DIDO1: variants seen among roughly 807,000 people sequenced by gnomAD.
The protein encoded by DIDO1 is death inducer-obliterator 1.
Under a neutral mutation model 99.4 loss-of-function variants are expected in DIDO1, and 16 were observed. That is an observed-to-expected ratio of 0.16 (90% CI 0.11 to 0.24). The LOEUF (loss-of-function observed/expected upper bound fraction) is 0.24, where lower values mean the gene tolerates loss of function less well. Among genes scored for constraint, DIDO1 ranks in the 10% least tolerant of loss-of-function variants. The pLI, the probability that DIDO1 is intolerant of heterozygous loss-of-function variation, is 1.00. For synonymous variants in DIDO1, 1,366 were observed against 1,239.1 expected (o/e 1.10, Z -2.15); for missense variants, 2,996 against 3,014.0 (o/e 0.99, Z 0.14).
chr20:62,899,305 C>G (rs1178990705), intron 6 of DIDO1, among the ~76,000 whole-genome samples: 1 of 152,188 alleles, frequency 6.6e-6, no homozygotes, highest in Non-Finnish European at 1.5e-5. Context: ...GGCAAAATGC[C>G]TTGGCTGTGA....
At chr20:62,910,488 C>T (rs959919068) in intron 3 of DIDO1, among the ~76,000 whole-genome samples, 3 of 152,084 alleles carry the variant, frequency 2.0e-5, no homozygotes, top group South Asian at 2.1e-4. Flanking sequence ...TCCTCCATGC[C>T]GTCTACACAG....
At chr20:62,922,038 T>C (rs551301222) in intron 1 of DIDO1, among the ~76,000 whole-genome samples, 13 of 146,432 alleles carry the variant, frequency 8.9e-5, no homozygotes, top group African/African-American at 3.2e-4. Flanking sequence ...CCACACGATA[T>C]ATATACACAC....
At chr20:62,882,646 C>G (rs1425061948) in intron 15 of DIDO1, among the ~76,000 whole-genome samples, 1 of 152,060 alleles carries the variant, frequency 6.6e-6, no homozygotes, top group Non-Finnish European at 1.5e-5. Context: ...AATGCACCAA[C>G]CCAGTCCTCC....
chr20:62,889,532 G>C (rs1342275033), intron 15 of DIDO1: 2 of 985,364 alleles, frequency 2.0e-6, no homozygotes, highest in African/African-American at 3.5e-5. Flanking sequence ...GGGAGGTGCT[G>C]AGGTGCTGCA....
At chr20:62,907,098 C>T (rs1284659908) in intron 5 of DIDO1, 49 bp downstream of exon 5, 3 of 1,596,670 alleles carry the variant, frequency 1.9e-6, no homozygotes, top group Non-Finnish European at 2.6e-6. Context: ...GACAAACGCT[C>T]TCACGCCTGT....
intron 13 of DIDO1, among the ~76,000 whole-genome samples, 166 bp downstream of exon 13, chr20:62,892,643 T>C (rs1337951637): frequency 6.6e-6 from 1 of 152,206 alleles, no homozygotes; most frequent in African/African-American, 2.4e-5. Flanking sequence ...CATCGCCACT[T>C]TGCATTTAGA....
rs753916267 is a variant in DIDO1, at chr20:62,879,558, C to G, written c.6398G>C (p.Arg2133Pro). The G allele has an allele frequency of 6.2e-7, 1 of 1,601,402 alleles. No homozygotes were observed. The change falls in exon 16 of 16, where the codon CGG (arginine) becomes CCG (proline). Residue 2133 changes from arginine to proline, a missense_variant. Coordinates refer to ENST00000395343, the MANE Select transcript of DIDO1 (RefSeq NM_001193369.2). The surrounding 1 kb of genome is among the most constrained non-coding windows in gnomAD (Gnocchi z 6.3). Reference protein sequence around the residue: ...WSRERDWDRPREWDRHRDKDS... With the variant: ...WSRERDWDRPPEWDRHRDKDS... Reference sequence around the variant, plus strand: ...CTTGTCCCGGTGTCGGTCCCACTCCCGGGGCCGGTCCCAGTCCCGCTCTCG... The same window carrying G: ...CTTGTCCCGGTGTCGGTCCCACTCCGGGGGCCGGTCCCAGTCCCGCTCTCG...
chr20:62,937,299 C>T (rs748498096), intron 1 of DIDO1, among the ~76,000 whole-genome samples: 7 of 152,264 alleles, frequency 4.6e-5, no homozygotes, highest in Non-Finnish European at 1.0e-4. Context: ...CGCATTCCTC[C>T]TGAGCGGACA....
At chr20:62,920,285 A>G (rs1055165661) in intron 1 of DIDO1, among the ~76,000 whole-genome samples, 11 of 152,050 alleles carry the variant, frequency 7.2e-5, no homozygotes, top group African/African-American at 2.7e-4. Flanking sequence ...ACAGGTTTAA[A>G]TCACTGTTCC....
In DIDO1 at chr20:62,880,685, T is replaced by C. The variant is rs140253573; in HGVS notation, c.5271A>G (p.Gly1757=). 457 of 1,612,726 alleles carry C rather than the reference T, an allele frequency of 2.8e-4. 1 individual carries two copies. In the African/African-American group the frequency reaches 5.5e-3, roughly 19 times the overall value. ...QPPFQGQREP[G]PHALGMSGLH... ...GCCCTGACATCCCCAAAGCATGAGGTCCAGGTTCCCGCTGACCCTGAAACG... is the reference window on the plus strand; with the variant it reads ...GCCCTGACATCCCCAAAGCATGAGGCCCAGGTTCCCGCTGACCCTGAAACG... The change falls in exon 16 of 16, where the codon GGA becomes GGG. Residue 1757 remains glycine (G), a synonymous_variant. Transcript: ENST00000395343.
intron 1 of DIDO1, among the ~76,000 whole-genome samples, chr20:62,916,272 T>C (rs1396324588): frequency 6.6e-6 from 1 of 152,140 alleles, no homozygotes; most frequent in Admixed American, 6.5e-5. Context: ...AAACTACAGG[T>C]TAAAACAGAA....
In DIDO1 at chr20:62,879,966, G is replaced by T. The variant is rs780339639; in HGVS notation, c.5990C>A (p.Pro1997His). 49 of 1,605,094 alleles carry T rather than the reference G, an allele frequency of 3.1e-5. No homozygotes were observed. The highest frequency in any genetic ancestry group is 1.6e-4 in the Admixed American group (9 of 57,508). The change falls in exon 16 of 16, where the codon CCC (proline) becomes CAC (histidine). Residue 1997 changes from proline to histidine, a missense_variant. This residue lies in a region of DIDO1 where 1,562 missense variants were observed against 1,412.6 expected (regional missense o/e 1.11). Coordinates refer to ENST00000395343, the MANE Select transcript of DIDO1 (RefSeq NM_001193369.2). This position sits in a 1 kb window ranked among gnomAD's most constrained non-coding sequence, Gnocchi z 6.3. Reference protein sequence around the residue: ...LQFGGLRGSAPFSEKNEQTPS... With the variant: ...LQFGGLRGSAHFSEKNEQTPS... The stretch of plus-strand genomic sequence containing the variant: ...GGTCTGCTCATTTTTTTCAGAAAAG[G>T]GTGCGGACCCCCGTAGTCCACCAAA...
chr20:62,882,657 C>T (rs6011443), intron 15 of DIDO1, among the ~76,000 whole-genome samples: 14 of 152,156 alleles, frequency 9.2e-5, no homozygotes, highest in African/African-American at 2.9e-4. Flanking sequence ...CCAGTCCTCC[C>T]GGAGCCATGT....
Position 62,878,186 on chromosome 20 carries a change from G to A in DIDO1, c.*1047C>T, listed in dbSNP as rs374020864. 6.6e-6 allele frequency: 1 copy of A among 152,180 alleles called. No individual in the cohort carries two copies. The highest frequency in any genetic ancestry group is 2.4e-5 in the African/African-American group (1 of 41,448). 9.4% of individuals were successfully genotyped at this position (152,180 alleles called of 1,614,324 possible). On this transcript the variant is annotated 3_prime_UTR_variant, in exon 16 of 16. Transcript: ENST00000395343. ...TATGAAAATATAAAAAATTATCAAA[G>A]TGTATTTGTACAAATAAATTAGCCA... is the stretch of plus-strand genomic sequence containing the variant.
chr20:62,915,535 C>T (rs1039361484), intron 1 of DIDO1, among the ~76,000 whole-genome samples: 1 of 152,216 alleles, frequency 6.6e-6, no homozygotes, highest in Non-Finnish European at 1.5e-5. Flanking sequence ...GTTGCCCAGG[C>T]TGGAGTGCAG....
At chr20:62,889,390 C>A in intron 15 of DIDO1, 1 of 985,414 alleles carries the variant, frequency 1.0e-6, no homozygotes, top group Non-Finnish European at 1.2e-6. Flanking sequence ...CCTGACAGCT[C>A]CAAGTTTGGA....
At chr20:62,937,058 T>C (rs2065395669) in intron 1 of DIDO1, among the ~76,000 whole-genome samples, 1 of 152,262 alleles carries the variant, frequency 6.6e-6, no homozygotes, top group African/African-American at 2.4e-5. Flanking sequence ...CGAACTGGAC[T>C]TACTGTCGCT....
chr20:62,880,091 A>G lies in DIDO1; in HGVS notation c.5865T>C (p.Phe1955=), dbSNP rs527534687. ...FEGPRGQAPN[F]MPGPRGIQPQ... ...GCTGAATGCCCCTGGGACCTGGCAT[A>G]AAGTTAGGCGCTTGGCCTCTGGGTC... The change falls in exon 16 of 16, where the codon TTT becomes TTC. Residue 1955 remains phenylalanine, a synonymous_variant. Coordinates refer to ENST00000395343, the MANE Select transcript of DIDO1 (RefSeq NM_001193369.2). The G allele has an allele frequency of 2.5e-6, 4 of 1,612,336 alleles. No homozygotes were observed. Among genetic ancestry groups the G allele is most frequent in the Non-Finnish European group, 3.4e-6 (4 of 1,179,988 alleles).
At chr20:62,937,886 G>A (rs1313259764) in exon 1 of DIDO1, 5 of 398,324 alleles carry the variant, frequency 1.3e-5, no homozygotes, top group Non-Finnish European at 2.2e-5. Flanking sequence ...CCAGAGGGCC[G>A]ACGCCTTTTG....
Sources: gnomAD v4.1 joint callset for allele counts (sites outside exome capture counted in the v4.1 genomes callset) on GRCh38, gnomAD v4.1.1 for gene constraint, gnomAD v4.1.1 regional missense constraint, Gnocchi (gnomAD v3.1) non-coding constraint, MANE v1.5 for transcripts, NCBI Gene and HGNC (gene_info 2026-07-23, HGNC 2026-07-21) for gene names.